The following SLC25A40 variants were observed in gnomAD, a reference collection of about 807,000 sequenced individuals.
SLC25A40 encodes the protein mitochondrial glutathione transporter SLC25A40.
In SLC25A40, 41 loss-of-function variants were observed where a neutral mutation model predicts 46.5. The observed-to-expected ratio is 0.88, with a 90% CI of 0.69 to 1.14. The LOEUF (loss-of-function observed/expected upper bound fraction) is 1.14. Ranked by LOEUF, SLC25A40 falls within the 50% of genes most tolerant of loss-of-function variation. The pLI is 0.00. For synonymous variants in SLC25A40, 126 were observed against 127.5 expected, an observed-to-expected ratio of 0.99 and a Z score of 0.08; for missense variants, 386 against 393.6, an observed-to-expected ratio of 0.98 and a Z score of 0.16.
chr7:87,849,958 T>C lies in SLC25A40; in HGVS notation c.265-10A>G, dbSNP rs1838483971. On this transcript the variant is annotated splice_polypyrimidine_tract_variant and intron_variant, in intron 5 of 11. Transcript: ENST00000341119. The stretch of plus-strand genomic sequence containing the variant: ...TTTTAAAAAATGCATCCTAAAGTTA[T>C]AATAGAAAAAAAGTAATCAAAATAT... The C allele has an allele frequency of 5.8e-6, 9 of 1,556,590 alleles. No homozygotes were observed. In the East Asian group the frequency reaches 6.8e-5, roughly 12 times the overall value.
chr7:87,865,525 C>A (rs1003567571), intron 1 of SLC25A40, among the ~76,000 whole-genome samples: 2 of 152,274 alleles, frequency 1.3e-5, no homozygotes, highest in African/African-American at 4.8e-5. Context: ...AATCCCAGCA[C>A]TTTGGGAGAC....
At chr7:87,868,269 T>G (rs1384570046) in intron 1 of SLC25A40, among the ~76,000 whole-genome samples, 1 of 152,208 alleles carries the variant, frequency 6.6e-6, no homozygotes, top group Non-Finnish European at 1.5e-5. Context: ...GGAGGAAAAG[T>G]ATCTGTGATA....
At chr7:87,855,290 A>G (rs1355301745) in intron 4 of SLC25A40, among the ~76,000 whole-genome samples, 1 of 152,246 alleles carries the variant, frequency 6.6e-6, no homozygotes, top group Non-Finnish European at 1.5e-5. Context: ...CTATTTGACC[A>G]GAAGAAAAAT....
intron 7 of SLC25A40, 102 bp from the exon 8 acceptor site, chr7:87,847,224 C>T: frequency 1.1e-6 from 1 of 933,810 alleles, no homozygotes; most frequent in Non-Finnish European, 1.5e-6. Flanking sequence ...ATATTTTAAA[C>T]TTTTAGTCTA....
Position 87,836,721 on chromosome 7 carries a change from T to G in SLC25A40, c.904+9A>C. On this transcript the variant is annotated intron_variant, in intron 11 of 11. Coordinates refer to ENST00000341119, the MANE Select transcript of SLC25A40 (RefSeq NM_018843.4). ...CTATTCAATGATTCGGTAAAGCAAG[T>G]ATTTTTACCTGAAAATAATCCGGAA... 6.6e-7 allele frequency: 1 copy of G among 1,504,028 alleles called. No homozygotes were observed. Among genetic ancestry groups the G allele is most frequent in the Non-Finnish European group, 9.0e-7 (1 of 1,116,624 alleles). The allele number at this position is 1,504,028 out of a possible 1,614,324, so 93.2% of individuals were successfully genotyped here.
chr7:87,875,885 G>A (rs1328617133), intron 1 of SLC25A40, among the ~76,000 whole-genome samples: 6 of 152,192 alleles, frequency 3.9e-5, no homozygotes, highest in Admixed American at 1.3e-4. Context: ...TCCCTCTGCA[G>A]CTGTCCTCAG....
At chr7:87,854,984 C>A (rs1393799367) in intron 4 of SLC25A40, among the ~76,000 whole-genome samples, 1 of 151,436 alleles carries the variant, frequency 6.6e-6, no homozygotes, top group Non-Finnish European at 1.5e-5. Context: ...ACACAGTGAG[C>A]CTCCATCTCT....
chr7:87,854,412 GAA>G (rs1387448631), intron 4 of SLC25A40, 102 bp from the exon 5 acceptor site: 1 of 672,740 alleles, frequency 1.5e-6, no homozygotes, highest in African/African-American at 1.8e-5. Context: ...AGAAAATTAC[GAA>G]AAGAGAAACA....
At chr7:87,842,045 T>C (rs1301527007) in intron 9 of SLC25A40, 1 of 375,504 alleles carries the variant, frequency 2.7e-6, no homozygotes, top group Non-Finnish European at 5.4e-6. Context: ...ATTATTCCTT[T>C]ACATCACAAG....
At chr7:87,864,811 T>G (rs1838762799) in intron 1 of SLC25A40, among the ~76,000 whole-genome samples, 1 of 152,228 alleles carries the variant, frequency 6.6e-6, no homozygotes, top group East Asian at 1.9e-4. Context: ...TTCTATTCTG[T>G]GTTAGTACTA....
chr7:87,855,591 T>C lies in SLC25A40; in HGVS notation c.157+701A>G, dbSNP rs540087198. The stretch of plus-strand genomic sequence containing the variant: ...GAGTGTTTCCTTCTGCTTTTATGGC[T>C]TTCTTTAATGTATAGGAAATTACCT... On this transcript the variant is annotated intron_variant, in intron 4 of 11. Coordinates refer to ENST00000341119, the MANE Select transcript of SLC25A40 (RefSeq NM_018843.4). Among the ~76,000 whole-genome samples the C allele has an allele frequency of 1.3e-4, 20 of 152,344 alleles. No individual in the cohort carries two copies. In the South Asian group the frequency reaches 4.1e-3, roughly 32 times the overall value.
At chr7:87,844,120 G>A (rs963177384) in intron 8 of SLC25A40, 6 of 338,822 alleles carry the variant, frequency 1.8e-5, no homozygotes, top group African/African-American at 9.0e-5. Flanking sequence ...CAAGGACAAC[G>A]GGACAAAGGA....
rs1001424062 is a variant in SLC25A40, at chr7:87,835,628, A to G, written c.*621T>C. ...CAATGTACATCACACAAATGATTAT[A>G]TTATGGTTCATAAGGAAAACAGCCA... On this transcript the variant is annotated 3_prime_UTR_variant, in exon 12 of 12. Transcript: ENST00000341119. 3.0e-4 allele frequency: 46 copies of G among 151,610 alleles called. No individual in the cohort carries two copies. The highest frequency in any genetic ancestry group is 1.0e-3 in the African/African-American group (43 of 41,386). 9.4% of individuals were successfully genotyped at this position (151,610 alleles called of 1,614,324 possible). A position where few individuals can be genotyped will look rare whatever the true frequency, so the allele number is the denominator to read the frequency against.
chr7:87,843,632 T>TA (rs751151763), intron 9 of SLC25A40, 122 bp downstream of exon 9: 10 of 616,546 alleles, frequency 1.6e-5, no homozygotes, highest in Middle Eastern at 3.5e-4. Context: ...GGAAAATACT[T>TA]AGACAAATTT....
At chr7:87,875,517 C>G (rs1350751004) in intron 1 of SLC25A40, among the ~76,000 whole-genome samples, 4 of 151,326 alleles carry the variant, frequency 2.6e-5, no homozygotes, top group African/African-American at 9.7e-5. Flanking sequence ...CAAAATAGTT[C>G]AAAATATCCT....
rs1448260710 is a variant in SLC25A40, at chr7:87,834,910, T to C, written c.*1339A>G. 2 of 151,558 alleles carry C rather than the reference T, an allele frequency of 1.3e-5. No homozygotes were observed. Among genetic ancestry groups the C allele is most frequent in the Admixed American group, 6.6e-5 (1 of 15,150 alleles). The allele number at this position is 151,558 out of a possible 1,614,324, so 9.4% of individuals were successfully genotyped here. A position where few individuals can be genotyped will look rare whatever the true frequency, so the allele number is the denominator to read the frequency against. ...CATAGGATAAACACAGAAGATTACA[T>C]ACAAACCCTACATATTTTATTTCTG... On this transcript the variant is annotated 3_prime_UTR_variant, in exon 12 of 12. Transcript: ENST00000341119.
chr7:87,849,857 A>C, intron 6 of SLC25A40, 24 bp downstream of exon 6: 2 of 1,506,110 alleles, frequency 1.3e-6, no homozygotes, highest in Non-Finnish European at 1.8e-6. Flanking sequence ...TATTTAGTAG[A>C]AAAAACATTA....
At chr7:87,873,468 T>A (rs1240230012) in intron 1 of SLC25A40, among the ~76,000 whole-genome samples, 2 of 149,086 alleles carry the variant, frequency 1.3e-5, no homozygotes, top group Admixed American at 6.7e-5. Flanking sequence ...AGTCTCGCTC[T>A]GTTGCCCACG....
chr7:87,846,745 GA>G (rs201127924), intron 8 of SLC25A40, among the ~76,000 whole-genome samples: 4 of 148,262 alleles, frequency 2.7e-5, no homozygotes, highest in East Asian at 3.9e-4. Flanking sequence ...TAATCACAAG[GA>G]AAAAAAAACA....
Sources: gnomAD v4.1 joint callset for allele counts (sites outside exome capture counted in the v4.1 genomes callset) on GRCh38, gnomAD v4.1.1 for gene constraint, MANE v1.5 for transcripts, NCBI Gene and HGNC (gene_info 2026-07-23, HGNC 2026-07-21) for gene names.